Variants in ADGRV1 observed in about 807,000 individuals in gnomAD.
The protein encoded by ADGRV1 is G-protein coupled receptor 98.
Under a neutral mutation model 596.2 loss-of-function variants are expected in ADGRV1, and 359 were observed. That is an observed-to-expected ratio of 0.60 (90% CI 0.55 to 0.66). The LOEUF is 0.66. ADGRV1 is among the 30% of genes least tolerant of loss of function. ADGRV1 has a pLI of 0.00. For synonymous variants in ADGRV1, 2,681 were observed against 2,679.2 expected, an observed-to-expected ratio of 1.00 and a Z score of -0.02; for missense variants, 7,274 against 7,575.6, an observed-to-expected ratio of 0.96 and a Z score of 1.48.
chr5:91,092,550 A>G (rs1790478648), intron 86 of ADGRV1: 1 of 152,236 alleles, frequency 6.6e-6, no homozygotes, highest in Non-Finnish European at 1.5e-5. Context: ...TCTATAGCCA[A>G]ACAAATATGG....
At chr5:90,918,613 T>C (rs1041251751) in intron 83 of ADGRV1, among the ~76,000 whole-genome samples, 5 of 152,170 alleles carry the variant, frequency 3.3e-5, no homozygotes, top group African/African-American at 1.2e-4. Flanking sequence ...GTGCCTCAGC[T>C]TTCTTGTCTT....
At chr5:90,842,342 G>A (rs1765505977) in intron 78 of ADGRV1, among the ~76,000 whole-genome samples, 1 of 152,074 alleles carries the variant, frequency 6.6e-6, no homozygotes, top group African/African-American at 2.4e-5. Flanking sequence ...TTAGCAAACA[G>A]TACAATTTTC....
chr5:90,566,326 G>A lies in ADGRV1; in HGVS notation c.22+7409G>A, dbSNP rs115427110. Among the ~76,000 whole-genome samples, 796 of 151,986 alleles carry A rather than the reference G, an allele frequency of 5.2e-3. 5 individuals are homozygous for A. Among genetic ancestry groups the A allele is most frequent in the African/African-American group, 0.018 (751 of 41,492 alleles). On this transcript the variant is annotated intron_variant, in intron 1 of 89. Coordinates refer to ENST00000405460, the MANE Select transcript of ADGRV1 (RefSeq NM_032119.4). ...TACATTTAGGTTTTTATTCCATTTTGTGTTAATTTTTAATATGATATAAGC... is the reference window on the plus strand; with the variant it reads ...TACATTTAGGTTTTTATTCCATTTTATGTTAATTTTTAATATGATATAAGC...
At chr5:90,613,753 A>G (rs1224251349) in intron 1 of ADGRV1, among the ~76,000 whole-genome samples, 1 of 152,114 alleles carries the variant, frequency 6.6e-6, no homozygotes, top group East Asian at 1.9e-4. Context: ...CTTAACGGAG[A>G]ACATTGCACT....
At chr5:90,961,596 A>T (rs1458759828) in intron 83 of ADGRV1, among the ~76,000 whole-genome samples, 1 of 151,334 alleles carries the variant, frequency 6.6e-6, no homozygotes, top group African/African-American at 2.4e-5. Context: ...TGTATATATT[A>T]AGGAGCACTG....
chr5:90,813,480 C>T (rs1238093677), intron 74 of ADGRV1, among the ~76,000 whole-genome samples: 4 of 152,078 alleles, frequency 2.6e-5, no homozygotes, highest in Non-Finnish European at 5.9e-5. Flanking sequence ...CCTACCAGTG[C>T]CTACCCCTTC....
chr5:91,027,643 G>C (rs1437682345), intron 85 of ADGRV1, among the ~76,000 whole-genome samples: 1 of 152,072 alleles, frequency 6.6e-6, no homozygotes. Context: ...GTTCAGTTTT[G>C]TTCTCCTGCT....
intron 34 of ADGRV1, 116 bp downstream of exon 34, chr5:90,697,262 G>A (rs373290984): frequency 5.4e-5 from 49 of 913,306 alleles, no homozygotes; most frequent in East Asian, 5.1e-4. Flanking sequence ...AACTGTGTGT[G>A]TGTTAATCTG....
intron 2 of ADGRV1, chr5:90,617,099 T>C (rs1203241133): frequency 2.0e-5 from 3 of 152,230 alleles, no homozygotes; most frequent in African/African-American, 4.8e-5. Flanking sequence ...CTGAATAATA[T>C]TCTGTTGTGT....
At chr5:90,878,164 G>A (rs1190273825) in intron 83 of ADGRV1, among the ~76,000 whole-genome samples, 1 of 152,216 alleles carries the variant, frequency 6.6e-6, no homozygotes, top group Non-Finnish European at 1.5e-5. Context: ...AAGTTTGAGA[G>A]AATAGACTTC....
chr5:90,644,123 A>G (rs1168212133), intron 14 of ADGRV1, 140 bp downstream of exon 14: 11 of 594,382 alleles, frequency 1.9e-5, no homozygotes, highest in Non-Finnish European at 2.8e-5. Flanking sequence ...AGTTTTTTTT[A>G]GAATCATATT....
At chr5:90,644,141 A>G (rs1767383305) in intron 14 of ADGRV1, among the ~76,000 whole-genome samples, 158 bp downstream of exon 14, 1 of 152,184 alleles carries the variant, frequency 6.6e-6, no homozygotes, top group African/African-American at 2.4e-5. Flanking sequence ...ATTTAGGACC[A>G]TGATTTTTAT....
In ADGRV1 at chr5:90,786,345, C is replaced by T. The variant is rs1759447218; in HGVS notation, c.13654-1726C>T. On this transcript the variant is annotated intron_variant, in intron 67 of 89. Coordinates refer to ENST00000405460, the MANE Select transcript of ADGRV1 (RefSeq NM_032119.4). ...AGCAAACCAACATAGTACATGTATACCTATGTGTCAAACCTGCACGTTGTG... is the reference window on the plus strand; with the variant it reads ...AGCAAACCAACATAGTACATGTATATCTATGTGTCAAACCTGCACGTTGTG... Among the ~76,000 whole-genome samples, 3 of 152,162 alleles carry T rather than the reference C, an allele frequency of 2.0e-5. No individual in the cohort carries two copies. In the South Asian group the frequency reaches 6.2e-4, roughly 31 times the overall value.
At chr5:90,743,341 AGT>A (rs1754200283) in intron 50 of ADGRV1, among the ~76,000 whole-genome samples, 1 of 152,316 alleles carries the variant, frequency 6.6e-6, no homozygotes, top group East Asian at 1.9e-4. Flanking sequence ...AAGCACGAAC[AGT>A]GGTTCTTGAT....
chr5:90,771,845 A>T (rs1238547141), intron 59 of ADGRV1, among the ~76,000 whole-genome samples: 1 of 152,152 alleles, frequency 6.6e-6, no homozygotes, highest in African/African-American at 2.4e-5. Flanking sequence ...GGCTCTTTCT[A>T]TGCAGGATTA....
At chr5:90,813,222 A>T in intron 74 of ADGRV1, among the ~76,000 whole-genome samples, 1 of 140,402 alleles carries the variant, frequency 7.1e-6, no homozygotes, top group Admixed American at 7.8e-5. Flanking sequence ...ATATTTTATT[A>T]CAGGTATTTG....
intron 67 of ADGRV1, among the ~76,000 whole-genome samples, chr5:90,785,179 T>C (rs1759292688): frequency 6.6e-6 from 1 of 152,096 alleles, no homozygotes; most frequent in South Asian, 2.1e-4. Flanking sequence ...TAATAAATGG[T>C]GTTGGGAAAA....
chr5:91,026,432 TA>T (rs1784021874), intron 85 of ADGRV1, among the ~76,000 whole-genome samples: 1 of 152,094 alleles, frequency 6.6e-6, no homozygotes. Context: ...TCTATCTCAG[TA>T]CAATTCCCTT....
chr5:91,146,974 C>A (rs1368976117), intron 87 of ADGRV1, among the ~76,000 whole-genome samples: 1 of 151,974 alleles, frequency 6.6e-6, no homozygotes, highest in African/African-American at 2.4e-5. Flanking sequence ...CCAGCCTGGG[C>A]AACATGGCAA....
Sources: allele counts gnomAD v4.1 joint callset (sites outside exome capture counted in the v4.1 genomes callset), GRCh38; gene constraint gnomAD v4.1.1; transcripts MANE v1.5; gene names NCBI Gene and HGNC (gene_info 2026-07-23, HGNC 2026-07-21).